The following ZNF735 variants were observed in gnomAD, a reference collection of about 807,000 sequenced individuals.
ZNF735 encodes the protein zinc finger protein 735.
Under a neutral mutation model 13.4 loss-of-function variants are expected in ZNF735, and 11 were observed. The ratio of observed to expected loss-of-function variants is 0.82; its 90% CI spans 0.52 to 1.36. The LOEUF (loss-of-function observed/expected upper bound fraction) is 1.36, where lower values mean the gene tolerates loss of function less well. Among genes scored for constraint, ZNF735 ranks in the 40% most tolerant of loss-of-function variants. ZNF735 has a pLI of 0.00. For synonymous variants in ZNF735, 171 were observed against 162.6 expected, an observed-to-expected ratio of 1.05 and a Z score of -0.39; for missense variants, 500 against 484.6, an observed-to-expected ratio of 1.03 and a Z score of -0.30.
Position 64,214,129 on chromosome 7 carries a change from C to T in ZNF735, c.262+21C>T, listed in dbSNP as rs1294400455. ...CCCAGGTAGGTGAGAGCAAATGAAG[C>T]AGATGACACGGATGAGATGTCCACA... is the stretch of plus-strand genomic sequence containing the variant. On this transcript the variant is annotated intron_variant, in intron 3 of 3. Coordinates refer to ENST00000429565, the Ensembl canonical transcript of ZNF735. 6 of 1,596,468 alleles carry T rather than the reference C, an allele frequency of 3.8e-6. No homozygotes were observed. In the South Asian group the frequency reaches 6.6e-5, roughly 18 times the overall value.
chr7:64,217,836 T>C (rs1562833742), intron 3 of ZNF735, among the ~76,000 whole-genome samples: 1 of 152,068 alleles, frequency 6.6e-6, no homozygotes, highest in African/African-American at 2.4e-5. Flanking sequence ...TTCAGTTGCA[T>C]AGAAAAATTT....
chr7:64,211,139 T>A (rs1238693503), intron 1 of ZNF735, among the ~76,000 whole-genome samples: 1 of 152,218 alleles, frequency 6.6e-6, no homozygotes. Context: ...AAAAAATATT[T>A]TTTTTCTATA....
intron 1 of ZNF735, among the ~76,000 whole-genome samples, chr7:64,212,791 GAA>G (rs397733091): frequency 4.0e-5 from 5 of 125,542 alleles, no homozygotes; most frequent in Non-Finnish European, 6.9e-5. Context: ...ACTTGGTAAA[GAA>G]AAAAAAAAAA....
chr7:64,210,366 G>T (rs756313560), intron 1 of ZNF735, among the ~76,000 whole-genome samples: 1 of 152,164 alleles, frequency 6.6e-6, no homozygotes, highest in Non-Finnish European at 1.5e-5. Flanking sequence ...AATTTGGTGG[G>T]TGTAAGGGAC....
At chr7:64,211,733 C>A (rs1266888883) in intron 1 of ZNF735, among the ~76,000 whole-genome samples, 1 of 151,494 alleles carries the variant, frequency 6.6e-6, no homozygotes, top group Non-Finnish European at 1.5e-5. Flanking sequence ...AAGTGTAGTG[C>A]CATGCGCCTG....
At chr7:64,216,224 A>T (rs1316107436) in intron 3 of ZNF735, among the ~76,000 whole-genome samples, 1 of 151,850 alleles carries the variant, frequency 6.6e-6, no homozygotes, top group African/African-American at 2.4e-5. Context: ...TGAACCCAGG[A>T]GGTGGCGCTT....
At chr7:64,218,678 C>T (rs1214594630) in intron 3 of ZNF735, among the ~76,000 whole-genome samples, 1 of 151,768 alleles carries the variant, frequency 6.6e-6, no homozygotes, top group Non-Finnish European at 1.5e-5. Context: ...GACCATGTTG[C>T]CCAAATATTT....
At chr7:64,214,499 ATG>A (rs955274446) in intron 3 of ZNF735, among the ~76,000 whole-genome samples, 4 of 152,146 alleles carry the variant, frequency 2.6e-5, no homozygotes, top group African/African-American at 7.2e-5. Context: ...CATGTCTAAA[ATG>A]TGTGAGAATA....
exon 4 of ZNF735, chr7:64,219,984 C>T: frequency 6.2e-7 from 1 of 1,613,420 alleles, no homozygotes; most frequent in Non-Finnish European, 8.5e-7. Context: ...TATCCTCAGC[C>T]CTCATTTACC....
intron 1 of ZNF735, among the ~76,000 whole-genome samples, chr7:64,212,379 C>G (rs1787370704): frequency 6.6e-6 from 1 of 152,194 alleles, no homozygotes; most frequent in Non-Finnish European, 1.5e-5. Flanking sequence ...AATCTCACAA[C>G]AAAATATTTA....
chr7:64,211,893 AT>A (rs202074922), intron 1 of ZNF735, among the ~76,000 whole-genome samples: 36,254 of 92,898 alleles, frequency 0.39, 4,685 homozygotes, highest in East Asian at 0.51. Flanking sequence ...GAAAAAAAAT[AT>A]ATATATATAT....
At chr7:64,211,905 ATATT>A (rs1335484203) in intron 1 of ZNF735, among the ~76,000 whole-genome samples, 4 of 147,628 alleles carry the variant, frequency 2.7e-5, no homozygotes, top group Non-Finnish European at 6.0e-5. Flanking sequence ...ATATATATAT[ATATT>A]TATTTATTTA....
At chr7:64,210,168 G>C (rs1705763553) in intron 1 of ZNF735, among the ~76,000 whole-genome samples, 1 of 152,128 alleles carries the variant, frequency 6.6e-6, no homozygotes, top group South Asian at 2.1e-4. Context: ...ATATGCTCCT[G>C]AGCACATAGT....
intron 1 of ZNF735, among the ~76,000 whole-genome samples, chr7:64,209,098 G>A (rs1043648577): frequency 3.9e-5 from 6 of 152,128 alleles, no homozygotes; most frequent in Non-Finnish European, 8.8e-5. Flanking sequence ...GTGGTACTGG[G>A]AATGGTAATT....
intron 3 of ZNF735, among the ~76,000 whole-genome samples, chr7:64,216,062 G>T (rs1053076543): frequency 1.1e-4 from 16 of 152,220 alleles, no homozygotes; most frequent in Admixed American, 9.2e-4. Flanking sequence ...TTGGGAGGCT[G>T]AGGCGGGTGG....
intron 2 of ZNF735, 142 bp from the exon 3 acceptor site, chr7:64,213,871 A>C: frequency 1.5e-6 from 1 of 681,462 alleles, no homozygotes; most frequent in Admixed American, 3.5e-5. Flanking sequence ...AGGCAGAAGC[A>C]TTGCTTGCAC....
intron 1 of ZNF735, among the ~76,000 whole-genome samples, chr7:64,208,260 T>TTTTG (rs1358888878): frequency 3.8e-4 from 25 of 65,126 alleles, no homozygotes; most frequent in African/African-American, 1.3e-3. Flanking sequence ...TTTTTTTTTT[T>TTTTG]TTTTTTTTTT....
intron 3 of ZNF735, among the ~76,000 whole-genome samples, chr7:64,214,501 G>T (rs1787397231): frequency 6.6e-6 from 1 of 152,068 alleles, no homozygotes; most frequent in Non-Finnish European, 1.5e-5. Flanking sequence ...TGTCTAAAAT[G>T]TGTGAGAATA....
intron 1 of ZNF735, among the ~76,000 whole-genome samples, chr7:64,210,560 A>G (rs11767410): frequency 0.3 from 45,278 of 151,966 alleles, 6,708 homozygotes; most frequent in East Asian, 0.32. Context: ...TTCAAGATAC[A>G]TTCAGGAGAG....
Sources: allele counts gnomAD v4.1 joint callset (sites outside exome capture counted in the v4.1 genomes callset), GRCh38; gene constraint gnomAD v4.1.1; transcripts MANE v1.5; gene names NCBI Gene and HGNC (gene_info 2026-07-23, HGNC 2026-07-21).